Variants in DNAH17 observed in about 807,000 individuals in gnomAD.
DNAH17 encodes the protein axonemal beta dynein heavy chain 17.
In DNAH17, 376 loss-of-function variants were observed where a neutral mutation model predicts 485.6. The observed-to-expected ratio is 0.77, with a 90% CI of 0.71 to 0.84. The LOEUF (loss-of-function observed/expected upper bound fraction) is 0.84, where lower values mean the gene tolerates loss of function less well. DNAH17 is among the 40% of genes least tolerant of loss of function. The pLI is 0.00. For synonymous variants in DNAH17, 3,031 were observed against 2,405.9 expected (o/e 1.26, Z -7.60); for missense variants, 6,370 against 5,839.3 (o/e 1.09, Z -2.96).
At chr17:78,548,303 CACA>C (rs925084496) in intron 16 of DNAH17, among the ~76,000 whole-genome samples, 3 of 145,052 alleles carry the variant, frequency 2.1e-5, no homozygotes, top group African/African-American at 7.7e-5. Context: ...CTCCTGGGTT[CACA>C]ACATTCTCCT....
intron 51 of DNAH17, among the ~76,000 whole-genome samples, chr17:78,478,331 TATCACCATCACATCACCCAC>T (rs1435060492): frequency 7.8e-6 from 1 of 127,620 alleles, no homozygotes; most frequent in East Asian, 2.6e-4. Context: ...CCACCACCAT[TATCACCATCACATCACCCAC>T]ATCACCATCA....
At chr17:78,571,477 A>G in intron 4 of DNAH17, 99 bp from the exon 5 acceptor site, 1 of 1,476,234 alleles carries the variant, frequency 6.8e-7, no homozygotes, top group South Asian at 1.1e-5. Flanking sequence ...GAATTTACGC[A>G]GGTCATCAGA....
chr17:78,510,427 C>T lies in DNAH17; in HGVS notation c.4193G>A (p.Arg1398His), dbSNP rs371418208. 125 of 1,613,590 alleles carry T rather than the reference C, an allele frequency of 7.7e-5. No individual in the cohort carries two copies. The highest frequency in any genetic ancestry group is 7.5e-4 in the Admixed American group (45 of 60,002). Reference protein sequence around the residue: ...LNLHSYEDEVRNIVDKAVKES... With the variant: ...LNLHSYEDEVHNIVDKAVKES... ...CTTCACGGCCTTGTCCACGATGTTGCGGACCTCATCCTCGTAACTGTGGAG... is the reference window on the plus strand; with the variant it reads ...CTTCACGGCCTTGTCCACGATGTTGTGGACCTCATCCTCGTAACTGTGGAG... The change falls in exon 27 of 81, where the codon CGC becomes CAC. Residue 1398 changes from arginine to histidine, a missense_variant. Physicochemically the swap from Arg to His is conservative, Grantham distance 29. Coordinates refer to ENST00000389840, the MANE Select transcript of DNAH17 (RefSeq NM_173628.4).
At chr17:78,446,666 C>T (rs1438971215) in intron 69 of DNAH17, among the ~76,000 whole-genome samples, 1 of 152,058 alleles carries the variant, frequency 6.6e-6, no homozygotes, top group African/African-American at 2.4e-5. Flanking sequence ...TTTTTTGAGA[C>T]AGAGTCTCAC....
rs1011901058 is a variant in DNAH17, at chr17:78,548,363, C to A, written c.2391+3172G>T. Among the ~76,000 whole-genome samples, 3 of 152,002 alleles carry A rather than the reference C, an allele frequency of 2.0e-5. No homozygotes were observed. In the East Asian group the frequency reaches 5.8e-4, roughly 29 times the overall value. On this transcript the variant is annotated intron_variant, in intron 16 of 80. Coordinates refer to ENST00000389840, the MANE Select transcript of DNAH17 (RefSeq NM_173628.4). ...GGAACTACAGGCGCCCGCCACTACACCTGGCTAATTTTTTGTATTTTTAGT... is the reference window on the plus strand; with the variant it reads ...GGAACTACAGGCGCCCGCCACTACAACTGGCTAATTTTTTGTATTTTTAGT...
At chr17:78,460,402 G>GTA in intron 58 of DNAH17, 145 bp from the exon 59 acceptor site, 1 of 696,882 alleles carries the variant, frequency 1.4e-6, no homozygotes, top group Middle Eastern at 3.8e-4. Flanking sequence ...GTGCATGAGT[G>GTA]TATGTGTGTG....
At chr17:78,437,458 T>G (rs1176089220) in intron 74 of DNAH17, among the ~76,000 whole-genome samples, 183 bp downstream of exon 74, 1 of 152,246 alleles carries the variant, frequency 6.6e-6, no homozygotes, top group African/African-American at 2.4e-5. Flanking sequence ...TTAAATTATT[T>G]GCATTTTTCC....
intron 41 of DNAH17, among the ~76,000 whole-genome samples, chr17:78,493,429 T>A (rs1012830622): frequency 6.6e-6 from 1 of 152,330 alleles, no homozygotes; most frequent in East Asian, 1.9e-4. Context: ...CAATCCTCCA[T>A]TCAGGGAAAA....
At chr17:78,551,268 A>T (rs924454239) in intron 16 of DNAH17, among the ~76,000 whole-genome samples, 5 of 151,950 alleles carry the variant, frequency 3.3e-5, no homozygotes, top group Non-Finnish European at 7.4e-5. Flanking sequence ...ATCTCTTTCC[A>T]CCCCTTGCTA....
At chr17:78,474,770 C>T (rs945096911) in intron 54 of DNAH17, among the ~76,000 whole-genome samples, 10 of 139,758 alleles carry the variant, frequency 7.2e-5, no homozygotes, top group East Asian at 2.1e-4. Flanking sequence ...CTCAGTCACG[C>T]GGGCTGGAGG....
intron 9 of DNAH17, among the ~76,000 whole-genome samples, chr17:78,568,353 G>A (rs901484638): frequency 2.6e-5 from 4 of 152,090 alleles, no homozygotes; most frequent in Non-Finnish European, 5.9e-5. Flanking sequence ...AGGAGGTGTA[G>A]AAGAGAACTG....
Position 78,539,824 on chromosome 17 carries a change from G to A in DNAH17, c.2589C>T (p.Val863=), listed in dbSNP as rs752977596. The A allele has an allele frequency of 8.1e-6, 13 of 1,611,642 alleles. No individual in the cohort carries two copies. In the African/African-American group the frequency reaches 1.3e-4, roughly 17 times the overall value. The change falls in exon 18 of 81, where the codon GTC becomes GTT. Residue 863 remains valine (V), a synonymous_variant. Transcript: ENST00000389840. ...CTAAGACCATGTCGTCAATGTAGAT[G>A]ACATAATCCTTCCAGGGCAGGCTCA... ...DTLSLPWKDY[V]IYIDDMVLDE...
intron 69 of DNAH17, among the ~76,000 whole-genome samples, chr17:78,449,155 C>T (rs1320093477): frequency 1.3e-5 from 2 of 152,188 alleles, no homozygotes; most frequent in Admixed American, 6.5e-5. Flanking sequence ...TTGTGAAATT[C>T]TCCTTAAAAC....
chr17:78,451,325 G>A (rs1205619901), intron 66 of DNAH17, 144 bp downstream of exon 66: 8 of 676,124 alleles, frequency 1.2e-5, no homozygotes, highest in South Asian at 2.0e-5. Context: ...AAGCTGTGAT[G>A]CCGTGGGACA....
At chr17:78,473,760 C>G (rs114627202) in intron 54 of DNAH17, among the ~76,000 whole-genome samples, 52 of 152,172 alleles carry the variant, frequency 3.4e-4, no homozygotes, top group African/African-American at 1.2e-3. Context: ...AGCAAGGAAA[C>G]GATGCCGTCA....
rs751770422 is a variant in DNAH17, at chr17:78,475,651, C to G, written c.8319+18G>C. Reference sequence around the variant, plus strand: ...GGTCCAGGTCCCGTGCCCTTGCTATCAGCTCCAGCCTGCTCACCAAATTCA... The same window carrying G: ...GGTCCAGGTCCCGTGCCCTTGCTATGAGCTCCAGCCTGCTCACCAAATTCA... On this transcript the variant is annotated intron_variant, in intron 53 of 80. Transcript: ENST00000389840. The G allele has an allele frequency of 1.9e-5, 30 of 1,612,154 alleles. No individual in the cohort carries two copies. Among genetic ancestry groups the G allele is most frequent in the Non-Finnish European group, 2.4e-5 (28 of 1,178,944 alleles).
Position 78,571,379 on chromosome 17 carries a change from C to T in DNAH17, c.733-1G>A, listed in dbSNP as rs374839295. On this transcript the variant is annotated splice_acceptor_variant, in intron 4 of 80. Transcript: ENST00000389840. LOFTEE classifies it high-confidence loss of function. Reference sequence around the variant, plus strand: ...TCTTGTTCACTTTGGGTCTGTTTAGCTGAGAAGGGGAGTGAAGATCCACCT... The same window carrying T: ...TCTTGTTCACTTTGGGTCTGTTTAGTTGAGAAGGGGAGTGAAGATCCACCT... The T allele has an allele frequency of 1.9e-6, 3 of 1,611,504 alleles. No individual in the cohort carries two copies. Among genetic ancestry groups the T allele is most frequent in the Non-Finnish European group, 2.5e-6 (3 of 1,177,952 alleles).
At chr17:78,570,011 A>C (rs1422308157) in intron 7 of DNAH17, among the ~76,000 whole-genome samples, 2 of 152,230 alleles carry the variant, frequency 1.3e-5, no homozygotes, top group African/African-American at 4.8e-5. Context: ...CTCTCAGGGC[A>C]GACCTCCTCC....
In DNAH17 at chr17:78,432,910, C is replaced by CCT. The variant is rs1555650522; in HGVS notation, c.12225+1118_12225+1119insAG. Among the ~76,000 whole-genome samples the CCT allele has an allele frequency of 7.3e-5, 9 of 124,068 alleles. 1 individual carries two copies. In the East Asian group the frequency reaches 1.0e-3, roughly 14 times the overall value. 81.4% of individuals were successfully genotyped at this position (124,068 alleles called of 152,430 possible). A position where few individuals can be genotyped will look rare whatever the true frequency, so the allele number is the denominator to read the frequency against. ...GAGCAGGCTTCAAACGTGCCCCCCC[C>CCT]CCCCGACCCCGGTGCCAGCACCGTT... On this transcript the variant is annotated intron_variant, in intron 75 of 80. Coordinates refer to ENST00000389840, the MANE Select transcript of DNAH17 (RefSeq NM_173628.4).
Sources: allele counts gnomAD v4.1 joint callset (sites outside exome capture counted in the v4.1 genomes callset), GRCh38; gene constraint gnomAD v4.1.1; transcripts MANE v1.5; gene names NCBI Gene and HGNC (gene_info 2026-07-23, HGNC 2026-07-21).